MNAT1: variants seen among roughly 807,000 people sequenced by gnomAD.
The protein encoded by MNAT1 is CDK-activating kinase assembly factor MAT1.
In MNAT1, 43 loss-of-function variants were observed where a neutral mutation model predicts 42.0. The observed-to-expected ratio is 1.02, with a 90% confidence interval of 0.80 to 1.32. The LOEUF (loss-of-function observed/expected upper bound fraction) is 1.32, where lower values mean the gene tolerates loss of function less well. Among genes scored for constraint, MNAT1 ranks in the 40% most tolerant of loss-of-function variants. MNAT1 has a pLI of 0.00. For synonymous variants in MNAT1, 118 were observed against 120.0 expected, an observed-to-expected ratio of 0.98 and a Z score of 0.11; for missense variants, 306 against 350.4, an observed-to-expected ratio of 0.87 and a Z score of 1.01.
intron 4 of MNAT1, among the ~76,000 whole-genome samples, chr14:60,809,652 T>A (rs1373736240): frequency 6.6e-6 from 1 of 152,120 alleles, no homozygotes; most frequent in Non-Finnish European, 1.5e-5. Flanking sequence ...ATTTTGTTAA[T>A]GTATATTAAT....
At chr14:60,877,672 TA>T (rs1362901078) in intron 6 of MNAT1, among the ~76,000 whole-genome samples, 1 of 151,992 alleles carries the variant, frequency 6.6e-6, no homozygotes, top group Non-Finnish European at 1.5e-5. Context: ...GAACTAGGGT[TA>T]AAATCAGCAA....
At chr14:60,924,448 G>A (rs569386333) in intron 7 of MNAT1, among the ~76,000 whole-genome samples, 88 of 150,322 alleles carry the variant, frequency 5.9e-4, no homozygotes, top group Middle Eastern at 3.5e-3. Context: ...TATAGATTAA[G>A]GTGGGGAAGC....
intron 3 of MNAT1, among the ~76,000 whole-genome samples, chr14:60,801,510 A>ATT (rs1408825026): frequency 1.3e-5 from 2 of 152,226 alleles, no homozygotes; most frequent in African/African-American, 4.8e-5. Context: ...AAAATACTTG[A>ATT]TTAGAAAATG....
intron 7 of MNAT1, among the ~76,000 whole-genome samples, chr14:60,880,390 C>G (rs1259796219): frequency 6.6e-6 from 1 of 152,082 alleles, no homozygotes; most frequent in Non-Finnish European, 1.5e-5. Context: ...TATAGTCTCT[C>G]TCATGGGAGC....
At chr14:60,741,650 C>T (rs866670105) in intron 1 of MNAT1, among the ~76,000 whole-genome samples, 78 of 114,500 alleles carry the variant, frequency 6.8e-4, no homozygotes, top group South Asian at 1.7e-3. Context: ...TGAGCCACTG[C>T]GCCTGGGGTT....
intron 7 of MNAT1, among the ~76,000 whole-genome samples, chr14:60,922,620 G>T (rs866526950): frequency 3.3e-5 from 5 of 151,948 alleles, no homozygotes; most frequent in Non-Finnish European, 5.9e-5. Flanking sequence ...TACAGGGTTT[G>T]ATGTTTCTGA....
intron 1 of MNAT1, among the ~76,000 whole-genome samples, chr14:60,746,921 TATACACACACACACACACACACACACAC>T (rs1330925437): frequency 0.31 from 12,722 of 41,566 alleles, 3,308 homozygotes; most frequent in Non-Finnish European, 0.39. Context: ...TATATATATA[TATACACACACACACACACACACACACAC>T]ACACACACAC....
chr14:60,797,925 AT>A (rs1438788978), intron 2 of MNAT1, among the ~76,000 whole-genome samples, 161 bp from the exon 3 acceptor site: 1 of 152,192 alleles, frequency 6.6e-6, no homozygotes, highest in African/African-American at 2.4e-5. Flanking sequence ...GCAAGACTCC[AT>A]CTCAAAAAAT....
chr14:60,821,801 G>A (rs1416094476), intron 6 of MNAT1, among the ~76,000 whole-genome samples: 1 of 152,088 alleles, frequency 6.6e-6, no homozygotes, highest in African/African-American at 2.4e-5. Context: ...ATAACTTTAT[G>A]TGTTCTTGTG....
Position 60,811,924 on chromosome 14 carries a change from G to A in MNAT1, c.421-63G>A, listed in dbSNP as rs140641187. 9.9e-5 allele frequency: 124 copies of A among 1,255,930 alleles called. No homozygotes were observed. The Middle Eastern group carries it at 2.8e-3, about 28-fold the overall frequency. The allele number at this position is 1,255,930 out of a possible 1,614,324, so 77.8% of individuals were successfully genotyped here. On this transcript the variant is annotated intron_variant, in intron 4 of 7. Coordinates refer to ENST00000261245, the MANE Select transcript of MNAT1 (RefSeq NM_002431.4). ...CTTCCAATAAAGAAAGTATTAGAGT[G>A]TGGTATATGATTGCTCTTGGCTCCT...
At chr14:60,741,392 C>G (rs1896455448) in intron 1 of MNAT1, among the ~76,000 whole-genome samples, 1 of 152,166 alleles carries the variant, frequency 6.6e-6, no homozygotes, top group South Asian at 2.1e-4. Context: ...TGGAATCTCG[C>G]TCTGTTGCCC....
chr14:60,815,375 C>T (rs998777677), intron 5 of MNAT1, among the ~76,000 whole-genome samples: 3 of 152,034 alleles, frequency 2.0e-5, no homozygotes, highest in Admixed American at 6.6e-5. Flanking sequence ...CCACCATGCC[C>T]AGCTAATTTT....
intron 7 of MNAT1, among the ~76,000 whole-genome samples, chr14:60,937,089 T>C (rs928535945): frequency 2.6e-5 from 4 of 152,058 alleles, no homozygotes; most frequent in Admixed American, 2.6e-4. Flanking sequence ...TTTTTTCTTG[T>C]AAATTTGTTT....
chr14:60,837,994 T>C (rs1392994558), intron 6 of MNAT1, among the ~76,000 whole-genome samples: 1 of 152,212 alleles, frequency 6.6e-6, no homozygotes, highest in East Asian at 1.9e-4. Flanking sequence ...TATAGGAATC[T>C]CTAGTAATGC....
chr14:60,901,208 A>G (rs1274724106), intron 7 of MNAT1, among the ~76,000 whole-genome samples: 1 of 152,076 alleles, frequency 6.6e-6, no homozygotes, highest in Non-Finnish European at 1.5e-5. Context: ...TATAAATGGA[A>G]TGAAAAAGCC....
chr14:60,933,479 C>G (rs2035928595), intron 7 of MNAT1, among the ~76,000 whole-genome samples: 1 of 151,900 alleles, frequency 6.6e-6, no homozygotes, highest in South Asian at 2.1e-4. Flanking sequence ...TATTTGTGCT[C>G]TTAACACCAA....
intron 7 of MNAT1, among the ~76,000 whole-genome samples, chr14:60,909,781 G>C (rs1042403025): frequency 6.6e-6 from 1 of 152,076 alleles, no homozygotes; most frequent in Non-Finnish European, 1.5e-5. Flanking sequence ...TTGTTCTTTT[G>C]GCTTAGGATT....
chr14:60,794,297 G>C (rs1262012366), intron 1 of MNAT1, among the ~76,000 whole-genome samples: 4 of 151,958 alleles, frequency 2.6e-5, no homozygotes, highest in African/African-American at 9.7e-5. Context: ...GGTTTATCTG[G>C]GGTTTAGTTG....
intron 7 of MNAT1, among the ~76,000 whole-genome samples, chr14:60,908,740 A>G (rs918575894): frequency 2.0e-5 from 3 of 152,258 alleles, no homozygotes; most frequent in East Asian, 1.9e-4. Flanking sequence ...CATTTGGCTT[A>G]GTTCCAAGTC....
Sources: gnomAD v4.1 joint callset for allele counts (sites outside exome capture counted in the v4.1 genomes callset) on GRCh38, gnomAD v4.1.1 for gene constraint, MANE v1.5 for transcripts, NCBI Gene and HGNC (gene_info 2026-07-23, HGNC 2026-07-21) for gene names.